Variants in ASCC3 observed in about 807,000 individuals in gnomAD.
The protein encoded by ASCC3 is ASC-1 complex subunit P200.
Under a neutral mutation model 256.3 loss-of-function variants are expected in ASCC3, and 158 were observed. The ratio of observed to expected loss-of-function variants is 0.62; its 90% CI spans 0.54 to 0.70. The LOEUF (loss-of-function observed/expected upper bound fraction) is 0.70, where lower values mean the gene tolerates loss of function less well. ASCC3 is among the 30% of genes least tolerant of loss of function. ASCC3 has a pLI of 0.00. For synonymous variants in ASCC3, 948 were observed against 883.4 expected, an observed-to-expected ratio of 1.07 and a Z score of -1.30; for missense variants, 2,259 against 2,626.0, an observed-to-expected ratio of 0.86 and a Z score of 3.05.
intron 14 of ASCC3, among the ~76,000 whole-genome samples, chr6:100,676,280 T>C (rs534275551): frequency 6.6e-6 from 1 of 152,372 alleles, no homozygotes; most frequent in Non-Finnish European, 1.5e-5. Flanking sequence ...TACATCATTC[T>C]ATCTGTTTCT....
At chr6:100,829,788 T>G (rs1446885003) in intron 4 of ASCC3, among the ~76,000 whole-genome samples, 1 of 152,164 alleles carries the variant, frequency 6.6e-6, no homozygotes, top group Non-Finnish European at 1.5e-5. Flanking sequence ...TAAAGTATAA[T>G]TTATAAATTA....
chr6:100,869,465 T>A (rs1773632851), intron 1 of ASCC3, among the ~76,000 whole-genome samples: 1 of 152,138 alleles, frequency 6.6e-6, no homozygotes, highest in African/African-American at 2.4e-5. Context: ...TTTTTAATAA[T>A]GAATAATAAA....
rs1009288245 is a variant in ASCC3 at position 100,718,181 on chromosome 6, G to A, written c.1973C>T (p.Ala658Val). The A allele has an allele frequency of 6.2e-7, 1 of 1,613,516 alleles. No individual in the cohort carries two copies. Among genetic ancestry groups the A allele is most frequent in the Non-Finnish European group, 8.5e-7 (1 of 1,179,724 alleles). The change falls in exon 12 of 42, where the codon GCC becomes GTC. Residue 658 changes from alanine to valine, a missense_variant. Around this residue, in one of 2 missense-constraint regions of ASCC3, gnomAD observed 1,839 missense variants for 2,206.7 expected, o/e 0.83. Transcript: ENST00000369162. The part of the protein sequence containing the change: ...SATLPNYLDV[A>V]TFLHVNPYIG... The stretch of plus-strand genomic sequence containing the variant: ...GTATGGATTAACATGTAAAAATGTG[G>A]CAACATCGAGGTAGTTAGGTAAAGT...
intron 8 of ASCC3, among the ~76,000 whole-genome samples, chr6:100,781,477 G>T (rs1782446858): frequency 6.6e-6 from 1 of 151,702 alleles, no homozygotes; most frequent in Non-Finnish European, 1.5e-5. Context: ...TCCGCCTCCC[G>T]GGTTCAAGCG....
chr6:100,874,383 T>C (rs989351255), intron 1 of ASCC3, among the ~76,000 whole-genome samples: 2 of 144,426 alleles, frequency 1.4e-5, no homozygotes, highest in Non-Finnish European at 3.0e-5. Context: ...GGAGAATCAC[T>C]TCAACCCGGG....
chr6:100,598,027 A>C (rs1287566534), intron 34 of ASCC3, among the ~76,000 whole-genome samples: 1 of 151,748 alleles, frequency 6.6e-6, no homozygotes, highest in Non-Finnish European at 1.5e-5. Flanking sequence ...AAATCAGTTG[A>C]AGCTACATTT....
intron 8 of ASCC3, among the ~76,000 whole-genome samples, chr6:100,780,558 C>T (rs933350898): frequency 6.6e-6 from 1 of 152,066 alleles, no homozygotes; most frequent in African/African-American, 2.4e-5. Flanking sequence ...GAGCCATGAT[C>T]ATGCCACCAC....
intron 30 of ASCC3, among the ~76,000 whole-genome samples, chr6:100,623,636 G>C (rs1178455490): frequency 6.6e-6 from 1 of 152,138 alleles, no homozygotes; most frequent in Non-Finnish European, 1.5e-5. Flanking sequence ...ACACTGAAGA[G>C]GGTTGGTGGA....
intron 13 of ASCC3, among the ~76,000 whole-genome samples, chr6:100,704,098 A>G (rs182617476): frequency 4.0e-4 from 60 of 151,880 alleles, no homozygotes; most frequent in African/African-American, 1.3e-3. Context: ...TCAATTTGAC[A>G]GAAGACTCAA....
In ASCC3 at chr6:100,662,399, A is replaced by G; in HGVS notation, c.2424T>C (p.Cys808=). 1.2e-6 allele frequency: 2 copies of G among 1,613,284 alleles called. No homozygotes were observed. Among genetic ancestry groups the G allele is most frequent in the Non-Finnish European group, 1.7e-6 (2 of 1,179,464 alleles). ...TGACACCCCAGGCTAACGTAGCTGT[A>G]CACACTAGGACTTTGATATGCCCAT... is the stretch of plus-strand genomic sequence containing the variant. ...FSNGHIKVLV[C]TATLAWGVNL... Residue 808 remains cysteine (C), a synonymous_variant, in exon 15 of 42, where the codon TGT becomes TGC. Transcript: ENST00000369162.
intron 37 of ASCC3, among the ~76,000 whole-genome samples, chr6:100,521,910 C>G (rs935598921): frequency 2.0e-5 from 3 of 152,158 alleles, no homozygotes; most frequent in Non-Finnish European, 4.4e-5. Context: ...CAGATAAGGA[C>G]TAATAGGTAT....
intron 8 of ASCC3, among the ~76,000 whole-genome samples, chr6:100,787,871 TA>T (rs1471331459): frequency 6.6e-6 from 1 of 151,924 alleles, no homozygotes; most frequent in Non-Finnish European, 1.5e-5. Flanking sequence ...GCTCCAACTT[TA>T]AAATTTACAG....
intron 17 of ASCC3, among the ~76,000 whole-genome samples, chr6:100,654,676 CAA>C (rs1341371383): frequency 2.0e-5 from 3 of 151,930 alleles, no homozygotes; most frequent in African/African-American, 7.2e-5. Flanking sequence ...AAGATTAGCA[CAA>C]ATTTCAACTG....
chr6:100,842,620 T>A (rs1292519166), intron 4 of ASCC3, among the ~76,000 whole-genome samples: 1 of 152,204 alleles, frequency 6.6e-6, no homozygotes, highest in Non-Finnish European at 1.5e-5. Flanking sequence ...AAATAGTTAT[T>A]TTTCATAAAA....
At chr6:100,860,367 T>C (rs1206899535) in intron 3 of ASCC3, among the ~76,000 whole-genome samples, 1 of 151,950 alleles carries the variant, frequency 6.6e-6, no homozygotes, top group Non-Finnish European at 1.5e-5. Context: ...ATTATTAAAA[T>C]AATCTTAAGG....
intron 25 of ASCC3, among the ~76,000 whole-genome samples, chr6:100,631,657 C>G (rs1288825467): frequency 1.3e-5 from 2 of 151,580 alleles, no homozygotes; most frequent in African/African-American, 4.8e-5. Context: ...AATAAATGTA[C>G]TGATGTTGAA....
chr6:100,798,706 A>C lies in ASCC3; in HGVS notation c.1395+7T>G, dbSNP rs772851728. On this transcript the variant is annotated splice_region_variant and intron_variant, in intron 8 of 41. Coordinates refer to ENST00000369162, the MANE Select transcript of ASCC3 (RefSeq NM_006828.4). ...AAACTATCAACTCTATAAAAGGCTCATCTCACCTCATCTAAGTCTTGGATA... is the reference window on the plus strand; with the variant it reads ...AAACTATCAACTCTATAAAAGGCTCCTCTCACCTCATCTAAGTCTTGGATA... 1.9e-6 allele frequency: 3 copies of C among 1,611,860 alleles called. No homozygotes were observed. In the East Asian group the frequency reaches 6.7e-5, roughly 36 times the overall value.
intron 13 of ASCC3, among the ~76,000 whole-genome samples, chr6:100,713,863 A>C (rs914003357): frequency 2.6e-5 from 4 of 152,234 alleles, no homozygotes; most frequent in Non-Finnish European, 5.9e-5. Context: ...TAAAACTTGG[A>C]AATAAATGTG....
At chr6:100,714,624 G>A (rs1779002978) in intron 13 of ASCC3, among the ~76,000 whole-genome samples, 4 of 152,018 alleles carry the variant, frequency 2.6e-5, no homozygotes, top group Admixed American at 6.6e-5. Context: ...CATTTATTAA[G>A]AACTAGAAAA....
Sources: gnomAD v4.1 joint callset for allele counts (sites outside exome capture counted in the v4.1 genomes callset) on GRCh38, gnomAD v4.1.1 for gene constraint, gnomAD v4.1.1 regional missense constraint, MANE v1.5 for transcripts, NCBI Gene and HGNC (gene_info 2026-07-23, HGNC 2026-07-21) for gene names.